LMX1B: variants seen among roughly 807,000 people sequenced by gnomAD.
The protein encoded by LMX1B is LIM homeobox transcription factor 1 beta.
A neutral mutation model predicts 51.4 loss-of-function variants in LMX1B; 12 were observed. The observed-to-expected ratio is 0.23, with a 90% CI of 0.15 to 0.38. LMX1B has a LOEUF of 0.38. LMX1B is among the 10% of genes least tolerant of loss of function. LMX1B has a pLI of 1.00. For synonymous variants in LMX1B, 237 were observed against 235.4 expected, an observed-to-expected ratio of 1.01 and a Z score of -0.06; for missense variants, 445 against 571.1, an observed-to-expected ratio of 0.78 and a Z score of 2.25.
chr9:126,669,544 G>A (rs1836411855), intron 2 of LMX1B, among the ~76,000 whole-genome samples: 1 of 152,166 alleles, frequency 6.6e-6, no homozygotes, highest in Non-Finnish European at 1.5e-5. Context: ...GGGGGTCTTC[G>A]TTTTGACGCG....
rs1014583306 is a variant in LMX1B at position 126,625,578 on chromosome 9, G to A, written c.326+10009G>A. On this transcript the variant is annotated intron_variant, in intron 2 of 7. Transcript: ENST00000373474. The surrounding 1 kb of genome is among the most constrained non-coding windows in gnomAD (Gnocchi z 5.3). Reference sequence around the variant, plus strand: ...CTAATGTCGCAGCGCTCGCACTCCTGCAGGTCTCCAGGGTTGGCCATTCCC... The same window carrying A: ...CTAATGTCGCAGCGCTCGCACTCCTACAGGTCTCCAGGGTTGGCCATTCCC... Among the ~76,000 whole-genome samples, 26 of 152,224 alleles carry A rather than the reference G, an allele frequency of 1.7e-4. No individual in the cohort carries two copies. The highest frequency in any genetic ancestry group is 4.8e-4 in the African/African-American group (20 of 41,474).
At chr9:126,633,569 G>A (rs1183725945) in intron 2 of LMX1B, among the ~76,000 whole-genome samples, 4 of 152,062 alleles carry the variant, frequency 2.6e-5, no homozygotes, top group African/African-American at 9.7e-5. Flanking sequence ...CTGAAACCTC[G>A]GGACATGGGG....
intron 2 of LMX1B, among the ~76,000 whole-genome samples, chr9:126,662,146 G>T (rs139926425): frequency 6.6e-6 from 1 of 152,282 alleles, no homozygotes; most frequent in African/African-American, 2.4e-5. Context: ...CTGTTTGCCC[G>T]CTGTGTGTCC....
chr9:126,696,240 G>GC, intron 7 of LMX1B, 54 bp from the exon 8 acceptor site: 2 of 1,575,800 alleles, frequency 1.3e-6, no homozygotes, highest in Non-Finnish European at 1.7e-6. Flanking sequence ...CAAACAGGGG[G>GC]CCCCCAGGAG....
intron 2 of LMX1B, among the ~76,000 whole-genome samples, chr9:126,653,689 G>A (rs1175455802): frequency 2.0e-5 from 3 of 151,984 alleles, no homozygotes; most frequent in Non-Finnish European, 2.9e-5. Context: ...GAACGTTCCC[G>A]GATCTGCCCC....
intron 2 of LMX1B, among the ~76,000 whole-genome samples, chr9:126,628,813 C>T (rs1230286663): frequency 6.6e-6 from 1 of 152,124 alleles, no homozygotes; most frequent in Non-Finnish European, 1.5e-5. Context: ...CTAAAGTTGC[C>T]ATCCCCAAAG....
At chr9:126,623,197 T>C (rs1022164218) in intron 2 of LMX1B, among the ~76,000 whole-genome samples, 3 of 152,048 alleles carry the variant, frequency 2.0e-5, no homozygotes, top group Non-Finnish European at 4.4e-5. Context: ...TTTATTTTTA[T>C]TTTTTTTCCC....
chr9:126,682,521 G>T (rs1176273092), intron 2 of LMX1B, among the ~76,000 whole-genome samples: 2 of 152,212 alleles, frequency 1.3e-5, no homozygotes, highest in African/African-American at 4.8e-5. Context: ...GGGGGTGGGG[G>T]CATTGGGAGG....
intron 2 of LMX1B, among the ~76,000 whole-genome samples, chr9:126,638,943 G>A (rs1463615057): frequency 2.6e-5 from 4 of 152,096 alleles, no homozygotes; most frequent in South Asian, 2.1e-4. Context: ...TCCTAGGTGC[G>A]GACTGAGGGA....
At chr9:126,691,614 C>G (rs1179718962) in intron 3 of LMX1B, among the ~76,000 whole-genome samples, 2 of 152,130 alleles carry the variant, frequency 1.3e-5, no homozygotes, top group Non-Finnish European at 2.9e-5. Flanking sequence ...CTGGCCCACC[C>G]CCCTTACCCT....
intron 2 of LMX1B, among the ~76,000 whole-genome samples, chr9:126,628,175 TC>T (rs1290806024): frequency 2.0e-5 from 3 of 152,222 alleles, no homozygotes; most frequent in Admixed American, 2.0e-4. Flanking sequence ...GCTTGGCCCT[TC>T]CTGTCTATAG....
rs1564143314 is a variant in LMX1B at position 126,614,485 on chromosome 9, G to C, written c.36G>C (p.Arg12Ser). 2 of 1,599,938 alleles carry C rather than the reference G, an allele frequency of 1.3e-6. No individual in the cohort carries two copies. Among genetic ancestry groups the C allele is most frequent in the Non-Finnish European group, 1.7e-6 (2 of 1,174,070 alleles). The stretch of plus-strand genomic sequence containing the variant: ...CAACAGGTCCCGAGTCGCTGGAGAG[G>C]TGCTTCCCTCGCGGGCAGACGGACT... The part of the protein sequence containing the change: ...DIATGPESLE[R>S]CFPRGQTDCA... The change falls in exon 1 of 8, where the codon AGG becomes AGC. Residue 12 changes from arginine (R) to serine (S), a missense_variant. Transcript: ENST00000373474.
At chr9:126,627,399 G>T (rs1835555133) in intron 2 of LMX1B, among the ~76,000 whole-genome samples, 1 of 151,998 alleles carries the variant, frequency 6.6e-6, no homozygotes, top group African/African-American at 2.4e-5. Context: ...GAGCCCTTCT[G>T]CTTGGCTTGA....
Position 126,615,503 on chromosome 9 carries a change from A to C in LMX1B, c.260A>C (p.Gln87Pro). The C allele has an allele frequency of 6.2e-7, 1 of 1,611,906 alleles. No individual in the cohort carries two copies. The highest frequency in any genetic ancestry group is 8.5e-7 in the Non-Finnish European group (1 of 1,178,838). The change falls in exon 2 of 8, where the codon CAG becomes CCG. Residue 87 changes from glutamine to proline, a missense_variant. Physicochemically the swap from Gln to Pro is moderately conservative, Grantham distance 76 (BLOSUM62 -1). Transcript: ENST00000373474. The surrounding 1 kb of genome is among the most constrained non-coding windows in gnomAD (Gnocchi z 6.0). ...GAGTGTTTGCAGTGCGCGGCGTGTC[A>C]GCAAGCCCTCACCACCAGCTGCTAC... ...HEECLQCAACQQALTTSCYFR... is the reference protein window; with the variant it reads ...HEECLQCAACPQALTTSCYFR...
chr9:126,666,467 G>A (rs1011187671), intron 2 of LMX1B, among the ~76,000 whole-genome samples: 3 of 152,302 alleles, frequency 2.0e-5, no homozygotes, highest in African/African-American at 7.2e-5. Flanking sequence ...CTGGAAAGAG[G>A]AAAGGGAAGC....
chr9:126,619,491 C>G (rs1247574209), intron 2 of LMX1B, among the ~76,000 whole-genome samples: 1 of 152,198 alleles, frequency 6.6e-6, no homozygotes, highest in Non-Finnish European at 1.5e-5. Context: ...TCATTCAGGG[C>G]TGCAGAGCGC....
At chr9:126,638,477 G>GC (rs1203176933) in intron 2 of LMX1B, among the ~76,000 whole-genome samples, 1 of 152,202 alleles carries the variant, frequency 6.6e-6, no homozygotes, top group South Asian at 2.1e-4. Context: ...ACCCCACCCG[G>GC]CCCCCCACGT....
intron 2 of LMX1B, among the ~76,000 whole-genome samples, chr9:126,643,429 A>G (rs1015014923): frequency 6.6e-6 from 1 of 152,092 alleles, no homozygotes; most frequent in African/African-American, 2.4e-5. Context: ...GCCCACTGTG[A>G]GTCCTTGGGC....
chr9:126,622,664 A>G (rs1835439343), intron 2 of LMX1B, among the ~76,000 whole-genome samples: 1 of 152,196 alleles, frequency 6.6e-6, no homozygotes, highest in Non-Finnish European at 1.5e-5. Context: ...CTGGATTGCT[A>G]TAGTTACTGG....
Sources: gnomAD v4.1 joint callset for allele counts (sites outside exome capture counted in the v4.1 genomes callset) on GRCh38, gnomAD v4.1.1 for gene constraint, Gnocchi (gnomAD v3.1) non-coding constraint, MANE v1.5 for transcripts, NCBI Gene and HGNC (gene_info 2026-07-23, HGNC 2026-07-21) for gene names.